The following HLCS variants were observed in gnomAD, a reference collection of about 807,000 sequenced individuals.
HLCS encodes the protein biotin--protein ligase.
In HLCS, 53 loss-of-function variants were observed where a neutral mutation model predicts 75.0. The ratio of observed to expected loss-of-function variants is 0.71; its 90% CI spans 0.57 to 0.89. HLCS has a LOEUF of 0.89. Among genes scored for constraint, HLCS ranks in the 40% least tolerant of loss-of-function variants. The pLI, the probability that HLCS is intolerant of heterozygous loss-of-function variation, is 0.00. For missense variants in HLCS, 966 were observed against 1,074.0 expected, an observed-to-expected ratio of 0.90 and a Z score of 1.41; for synonymous variants, 431 against 428.6, an observed-to-expected ratio of 1.01 and a Z score of -0.07.
intron 6 of HLCS, among the ~76,000 whole-genome samples, chr21:36,848,087 C>T (rs79245329): frequency 0.022 from 3,384 of 152,146 alleles, 117 homozygotes; most frequent in African/African-American, 0.077. Context: ...GACGAACATC[C>T]ACATATATAA....
intron 6 of HLCS, among the ~76,000 whole-genome samples, chr21:36,878,627 C>T (rs1046961053): frequency 6.6e-6 from 1 of 152,228 alleles, no homozygotes; most frequent in Non-Finnish European, 1.5e-5. Flanking sequence ...ACTTGTCCCA[C>T]TAATTAGCTC....
chr21:36,809,568 CCT>C (rs1312007242), intron 6 of HLCS, among the ~76,000 whole-genome samples: 7 of 151,968 alleles, frequency 4.6e-5, no homozygotes, highest in African/African-American at 7.3e-5. Flanking sequence ...TCATTTTCCC[CCT>C]CTCTGCCTTC....
intron 6 of HLCS, among the ~76,000 whole-genome samples, chr21:36,778,777 TTTTTA>T (rs1157514323): frequency 6.6e-6 from 1 of 152,210 alleles, no homozygotes; most frequent in Non-Finnish European, 1.5e-5. Flanking sequence ...TTCCTATCAT[TTTTTA>T]TTTTGATACT....
At chr21:36,830,912 T>C (rs1218279265) in intron 6 of HLCS, among the ~76,000 whole-genome samples, 1 of 151,756 alleles carries the variant, frequency 6.6e-6, no homozygotes, top group Admixed American at 6.6e-5. Context: ...CTACCCTAGT[T>C]ATCCCCAGAA....
Position 36,930,225 on chromosome 21 carries a change from TCTGCCCAGCTGAGCCCACAA to T in HLCS, c.1620+6_1620+25del. 5.0e-6 allele frequency: 8 copies of T among 1,607,734 alleles called. No homozygotes were observed. The highest frequency in any genetic ancestry group is 6.8e-6 in the Non-Finnish European group (8 of 1,174,610). ...TGAAGAGGGCCACGTCACAGCGCGC[TCTGCCCAGCTGAGCCCACAA>T]CTCACCTCCGCAGCTGACAGCAAGT... On this transcript the variant is annotated splice_donor_region_variant and intron_variant, in intron 5 of 10. Transcript: ENST00000674895.
At chr21:36,767,107 A>C in intron 7 of HLCS, 111 bp downstream of exon 7, 2 of 1,036,468 alleles carry the variant, frequency 1.9e-6, no homozygotes, top group South Asian at 2.6e-5. Flanking sequence ...AGAATCTACT[A>C]ACTTGAGTCC....
chr21:36,849,945 C>T (rs1469450892), intron 6 of HLCS, among the ~76,000 whole-genome samples: 2 of 152,144 alleles, frequency 1.3e-5, no homozygotes, highest in Non-Finnish European at 2.9e-5. Context: ...AGCTCCTCTG[C>T]TTCCTCTCCT....
At chr21:36,868,701 T>A (rs920426097) in intron 6 of HLCS, among the ~76,000 whole-genome samples, 2 of 151,526 alleles carry the variant, frequency 1.3e-5, no homozygotes, top group Non-Finnish European at 2.9e-5. Flanking sequence ...GCACTCACAC[T>A]CTGGAAAGGG....
At chr21:36,816,965 C>A (rs761751356) in intron 6 of HLCS, among the ~76,000 whole-genome samples, 4 of 152,166 alleles carry the variant, frequency 2.6e-5, no homozygotes, top group Non-Finnish European at 4.4e-5. Flanking sequence ...CTGCTCAGAT[C>A]CCAGTAAGAC....
At chr21:36,964,429 A>G (rs2068463616) in intron 1 of HLCS, among the ~76,000 whole-genome samples, 1 of 152,244 alleles carries the variant, frequency 6.6e-6, no homozygotes, top group African/African-American at 2.4e-5. Flanking sequence ...TAAACCCAAC[A>G]ACTATTAAAT....
chr21:36,965,963 T>A (rs1294015391), intron 1 of HLCS, among the ~76,000 whole-genome samples: 2 of 152,180 alleles, frequency 1.3e-5, no homozygotes, highest in East Asian at 3.9e-4. Flanking sequence ...CTAGCTATGT[T>A]GCCCAGGCTG....
intron 6 of HLCS, among the ~76,000 whole-genome samples, chr21:36,778,129 C>T (rs755984084): frequency 7.0e-4 from 106 of 152,016 alleles, no homozygotes; most frequent in Non-Finnish European, 1.2e-3. Context: ...CCACCACGCC[C>T]GGCTAATTTT....
chr21:36,799,396 C>G (rs1432720705), intron 6 of HLCS, among the ~76,000 whole-genome samples: 4 of 152,186 alleles, frequency 2.6e-5, no homozygotes, highest in African/African-American at 4.8e-5. Flanking sequence ...TACACCAACA[C>G]GCATAGTCTT....
chr21:36,759,797 A>G lies in HLCS; in HGVS notation c.2166T>C (p.Ser722=). ...GAACTCCGCCGATCTTCATGAGGTCACTGTAATAAATATCGTTGGGCCACT... is the reference window on the plus strand; with the variant it reads ...GAACTCCGCCGATCTTCATGAGGTCGCTGTAATAAATATCGTTGGGCCACT... ...RVKWPNDIYY[S]DLMKIGGVLV... The change falls in exon 9 of 11, where the codon AGT becomes AGC. Residue 722 remains serine, a synonymous_variant. Transcript: ENST00000674895. 6.2e-7 allele frequency: 1 copy of G among 1,613,768 alleles called. No homozygotes were observed.
chr21:36,947,879 G>A, intron 2 of HLCS: 1 of 985,392 alleles, frequency 1.0e-6, no homozygotes, highest in Non-Finnish European at 1.2e-6. Context: ...CACGGATGCT[G>A]CTAATTTTTC....
At chr21:36,777,694 G>A (rs546356035) in intron 6 of HLCS, among the ~76,000 whole-genome samples, 49 of 152,268 alleles carry the variant, frequency 3.2e-4, no homozygotes, top group African/African-American at 1.2e-3. Context: ...AGATACCCCC[G>A]TTATAAGACT....
intron 6 of HLCS, among the ~76,000 whole-genome samples, chr21:36,863,835 G>C: frequency 7.4e-3 from 1 of 136 alleles, no homozygotes; most frequent in South Asian, 0.17. Flanking sequence ...CTGATGCTGT[G>C]GTGTTGGAAC....
At chr21:36,760,920 A>G (rs2089815092) in intron 8 of HLCS, among the ~76,000 whole-genome samples, 1 of 151,992 alleles carries the variant, frequency 6.6e-6, no homozygotes, top group Non-Finnish European at 1.5e-5. Flanking sequence ...GGTCTTTTAG[A>G]CCTCGGGCTG....
intron 6 of HLCS, among the ~76,000 whole-genome samples, chr21:36,844,815 T>C (rs2062740324): frequency 6.6e-6 from 1 of 152,186 alleles, no homozygotes; most frequent in East Asian, 1.9e-4. Context: ...TCCGATCGAT[T>C]GGGTCCATAA....
Sources: allele counts gnomAD v4.1 joint callset (sites outside exome capture counted in the v4.1 genomes callset), GRCh38; gene constraint gnomAD v4.1.1; transcripts MANE v1.5; gene names NCBI Gene and HGNC (gene_info 2026-07-23, HGNC 2026-07-21).